MAS1: variants seen among roughly 807,000 people sequenced by gnomAD.
MAS1 encodes proto-oncogene Mas.
For missense variants in MAS1, 387 were observed against 409.7 expected (o/e 0.94, Z 0.48); for synonymous variants, 163 against 164.2 (o/e 0.99, Z 0.05).
At chr6:159,899,970 C>T (rs1242461305) in intron 2 of MAS1, among the ~76,000 whole-genome samples, 1 of 152,022 alleles carries the variant, frequency 6.6e-6, no homozygotes, top group Non-Finnish European at 1.5e-5. Flanking sequence ...CGCTTGAACT[C>T]GGGTGGGAGA....
chr6:159,891,920 G>T (rs761424203), intron 1 of MAS1, among the ~76,000 whole-genome samples: 1 of 152,134 alleles, frequency 6.6e-6, no homozygotes, highest in Non-Finnish European at 1.5e-5. Context: ...ATTCTTTGCC[G>T]TGTGGGCTGT....
Position 159,915,701 on chromosome 6 carries a change from T to A in MAS1, c.*7768T>A, listed in dbSNP as rs530621727. On this transcript the variant is annotated 3_prime_UTR_variant, in exon 3 of 3. Coordinates refer to ENST00000674077, the MANE Select transcript of MAS1 (RefSeq NM_002377.4). Reference sequence around the variant, plus strand: ...TAGTTGGAGTTCCACCCAAAGCAGATCCTGAGACAAGGATTTAGTGCAAGT... The same window carrying A: ...TAGTTGGAGTTCCACCCAAAGCAGAACCTGAGACAAGGATTTAGTGCAAGT... The A allele has an allele frequency of 5.3e-5, 8 of 152,322 alleles. No homozygotes were observed. The highest frequency in any genetic ancestry group is 1.7e-4 in the African/African-American group (7 of 41,562). The allele number at this position is 152,322 out of a possible 1,614,324, so 9.4% of individuals were successfully genotyped here.
At position 159,907,556 on chromosome 6, in the gene MAS1, C is replaced by T. The variant is rs750358048; in HGVS notation, c.601C>T (p.Pro201Ser). 1.9e-5 allele frequency: 31 copies of T among 1,613,960 alleles called. No individual in the cohort carries two copies. The highest frequency in any genetic ancestry group is 1.0e-4 in the Admixed American group (6 of 60,002). Reference sequence around the variant, plus strand: ...CATCCTGAGCTTCCTGGTCTTCACGCCCCTCATGCTGGTGTCCAGCACCAT... The same window carrying T: ...CATCCTGAGCTTCCTGGTCTTCACGTCCCTCATGCTGGTGTCCAGCACCAT... ...IAILSFLVFT[P>S]LMLVSSTILV... The change falls in exon 3 of 3, where the codon CCC (proline) becomes TCC (serine). Residue 201 changes from proline (P) to serine (S), a missense_variant. Physicochemically the swap from Pro to Ser is moderately conservative, Grantham distance 74. Coordinates refer to ENST00000674077, the MANE Select transcript of MAS1 (RefSeq NM_002377.4).
At chr6:159,889,414 G>A (rs573207630), upstream of MAS1, among the ~76,000 whole-genome samples, 80 of 152,286 alleles carry the variant, frequency 5.3e-4, no homozygotes, top group African/African-American at 1.8e-3. Flanking sequence ...GAGAAGCAGC[G>A]AATGTGGAGC....
chr6:159,906,975 C>T lies in MAS1; in HGVS notation c.20C>T (p.Thr7Ile), dbSNP rs1287750706. The stretch of plus-strand genomic sequence containing the variant: ...CTCCTCATGGATGGGTCAAACGTGA[C>T]ATCATTTGTTGTTGAGGAACCCACG... MDGSNV[T>I]SFVVEEPTNI... Residue 7 changes from threonine (T) to isoleucine (I), a missense_variant, in exon 3 of 3, where the codon ACA (threonine) becomes ATA (isoleucine). Physicochemically the swap from Thr to Ile is moderately conservative, Grantham distance 89. Transcript: ENST00000674077. 2.5e-6 allele frequency: 4 copies of T among 1,607,138 alleles called. No individual in the cohort carries two copies. The highest frequency in any genetic ancestry group is 2.2e-5 in the East Asian group (1 of 44,636).
chr6:159,898,633 CTT>C (rs1491006166), intron 1 of MAS1, among the ~76,000 whole-genome samples: 5 of 130,214 alleles, frequency 3.8e-5, no homozygotes, highest in African/African-American at 1.4e-4. Context: ...CCTCCCTCTT[CTT>C]CCTCCTCCCT....
chr6:159,893,037 T>C (rs372637381), intron 1 of MAS1, among the ~76,000 whole-genome samples: 8 of 152,206 alleles, frequency 5.3e-5, no homozygotes, highest in African/African-American at 1.9e-4. Flanking sequence ...GAATAGGCTG[T>C]GGCCTCTGCA....
At chr6:159,898,689 T>TTCCTCCTCCCTCC (rs1782789525) in intron 1 of MAS1, among the ~76,000 whole-genome samples, 3 of 73,956 alleles carry the variant, frequency 4.1e-5, no homozygotes, top group East Asian at 3.2e-4. Flanking sequence ...CTCCTCCCTC[T>TTCCTCCTCCCTCC]TCCTCCTCCT....
At chr6:159,901,458 G>A (rs1446102870) in intron 2 of MAS1, among the ~76,000 whole-genome samples, 3 of 152,140 alleles carry the variant, frequency 2.0e-5, no homozygotes, top group Non-Finnish European at 2.9e-5. Context: ...AATTAGCCAG[G>A]TGTGATGGTG....
At chr6:159,905,257 G>A (rs78194975) in intron 2 of MAS1, among the ~76,000 whole-genome samples, 1 of 152,226 alleles carries the variant, frequency 6.6e-6, no homozygotes, top group Non-Finnish European at 1.5e-5. Flanking sequence ...GGGGAACATG[G>A]TGGTCTTACT....
At chr6:159,901,643 G>A (rs1782823455) in intron 2 of MAS1, among the ~76,000 whole-genome samples, 1 of 151,896 alleles carries the variant, frequency 6.6e-6, no homozygotes, top group South Asian at 2.1e-4. Flanking sequence ...TCTGTTACAA[G>A]GAGAAATGTC....
chr6:159,898,018 A>G (rs1782773664), intron 1 of MAS1, among the ~76,000 whole-genome samples: 1 of 151,562 alleles, frequency 6.6e-6, no homozygotes, highest in South Asian at 2.1e-4. Flanking sequence ...TCTGCTTCCG[A>G]GTATCTGGGA....
chr6:159,899,504 T>C (rs1403616377), intron 2 of MAS1, 112 bp downstream of exon 2: 1 of 152,382 alleles, frequency 6.6e-6, no homozygotes, highest in Non-Finnish European at 1.5e-5. Flanking sequence ...GGCAGGAGGA[T>C]GGCTTGAGCC....
intron 1 of MAS1, among the ~76,000 whole-genome samples, chr6:159,898,687 T>C: frequency 7.8e-6 from 1 of 128,060 alleles, no homozygotes; most frequent in African/African-American, 3.0e-5. Flanking sequence ...TCCTCCTCCC[T>C]CTTCCTCCTC....
In MAS1 at chr6:159,909,162, A is replaced by T. The variant is rs1465181433; in HGVS notation, c.*1229A>T. 2 of 152,200 alleles carry T rather than the reference A, an allele frequency of 1.3e-5. No individual in the cohort carries two copies. The highest frequency in any genetic ancestry group is 3.9e-4 in the East Asian group (2 of 5,176). The allele number at this position is 152,200 out of a possible 1,614,324, so 9.4% of individuals were successfully genotyped here. A position where few individuals can be genotyped will look rare whatever the true frequency, so the allele number is the denominator to read the frequency against. On this transcript the variant is annotated 3_prime_UTR_variant, in exon 3 of 3. Transcript: ENST00000674077. Reference sequence around the variant, plus strand: ...TTGCCTGCCATGAGTTGCCCTCCAGACACTGCACGTCCTGGGTTTTAGCTG... The same window carrying T: ...TTGCCTGCCATGAGTTGCCCTCCAGTCACTGCACGTCCTGGGTTTTAGCTG...
chr6:159,907,771 CA>C lies in MAS1; in HGVS notation c.817del (p.Ser273ValfsTer23). The C allele has an allele frequency of 1.2e-6, 2 of 1,613,610 alleles. No individual in the cohort carries two copies. The highest frequency in any genetic ancestry group is 1.7e-6 in the Non-Finnish European group (2 of 1,179,954). On this transcript the variant is annotated frameshift_variant, in exon 3 of 3. Transcript: ENST00000674077. LOFTEE classifies it low-confidence loss of function (END_TRUNC). ...HISLLFSTIN[S>X]SANPFIYFFV... ...TTTCCCTGCTCTTCTCCACAATCAA[CA>C]GTAGCGCCAACCCTTTCATTTACTT... is the stretch of plus-strand genomic sequence containing the variant.
At chr6:159,897,659 C>A (rs996354016) in intron 1 of MAS1, among the ~76,000 whole-genome samples, 3 of 152,150 alleles carry the variant, frequency 2.0e-5, no homozygotes, top group Admixed American at 6.5e-5. Context: ...TGAACAGGGG[C>A]AGCTTAGAGT....
intron 2 of MAS1, among the ~76,000 whole-genome samples, chr6:159,899,993 A>G (rs1782804632): frequency 6.6e-6 from 1 of 152,054 alleles, no homozygotes; most frequent in South Asian, 2.1e-4. Flanking sequence ...TTGCAGTGAG[A>G]CGAGATCGCG....
rs1782918334 is a variant in MAS1, at chr6:159,907,991, G to T, written c.*58G>T. 2.6e-6 allele frequency: 4 copies of T among 1,520,292 alleles called. No individual in the cohort carries two copies. The highest frequency in any genetic ancestry group is 2.8e-5 in the African/African-American group (2 of 71,406). 94.2% of individuals were successfully genotyped at this position (1,520,292 alleles called of 1,614,324 possible). A position where few individuals can be genotyped will look rare whatever the true frequency, so the allele number is the denominator to read the frequency against. On this transcript the variant is annotated 3_prime_UTR_variant, in exon 3 of 3. Coordinates refer to ENST00000674077, the MANE Select transcript of MAS1 (RefSeq NM_002377.4). ...GGAACACAGGTCATTTTTAGTTTGT[G>T]CTTGGAATATGACTTAAGTATCTCC...
Sources: allele counts gnomAD v4.1 joint callset (sites outside exome capture counted in the v4.1 genomes callset), GRCh38; gene constraint gnomAD v4.1.1; transcripts MANE v1.5; gene names NCBI Gene and HGNC (gene_info 2026-07-23, HGNC 2026-07-21).